The following RBFOX1 variants were observed in gnomAD, a reference collection of about 807,000 sequenced individuals.
RBFOX1 encodes RNA binding protein fox-1 homolog 1.
In RBFOX1, 8 loss-of-function variants were observed where a neutral mutation model predicts 57.7. The ratio of observed to expected loss-of-function variants is 0.14; its 90% CI spans 0.08 to 0.25. RBFOX1 has a LOEUF of 0.25. Ranked by LOEUF, RBFOX1 falls within the 10% of genes least tolerant of loss-of-function variation. The probability of loss-of-function intolerance (pLI) is 1.00; values close to 1 mark genes in which losing one functional copy is unlikely to be tolerated. For synonymous variants in RBFOX1, 326 were observed against 222.4 expected, an observed-to-expected ratio of 1.47 and a Z score of -4.15; for missense variants, 611 against 548.5, an observed-to-expected ratio of 1.11 and a Z score of -1.14.
intron 3 of RBFOX1, among the ~76,000 whole-genome samples, chr16:7,008,484 G>A (rs1474947198): frequency 4.6e-5 from 7 of 151,940 alleles, no homozygotes; most frequent in African/African-American, 1.7e-4. Flanking sequence ...AGGTTGCAGT[G>A]ATCTGAGATC....
At chr16:6,600,402 A>G (rs2097838646) in intron 2 of RBFOX1, among the ~76,000 whole-genome samples, 2 of 152,060 alleles carry the variant, frequency 1.3e-5, no homozygotes, top group African/African-American at 4.8e-5. Flanking sequence ...ATGTTTTATT[A>G]TAGCTTTCAA....
At chr16:7,139,746 A>G (rs2073137551) in intron 4 of RBFOX1, among the ~76,000 whole-genome samples, 1 of 152,130 alleles carries the variant, frequency 6.6e-6, no homozygotes, top group Non-Finnish European at 1.5e-5. Context: ...ACTGAGAAAT[A>G]CATTGATTGG....
chr16:6,872,633 C>T (rs2061138686), intron 3 of RBFOX1, among the ~76,000 whole-genome samples: 1 of 152,156 alleles, frequency 6.6e-6, no homozygotes, highest in Non-Finnish European at 1.5e-5. Flanking sequence ...AATATTCCTG[C>T]AGTGGCAACG....
At chr16:6,453,287 G>C (rs948690687) in intron 2 of RBFOX1, among the ~76,000 whole-genome samples, 4 of 151,922 alleles carry the variant, frequency 2.6e-5, no homozygotes, top group Admixed American at 6.6e-5. Flanking sequence ...GACAGGCCCC[G>C]GTGTGTGATG....
chr16:6,023,456 T>G (rs904265824), intron 1 of RBFOX1, among the ~76,000 whole-genome samples: 1 of 152,216 alleles, frequency 6.6e-6, no homozygotes, highest in African/African-American at 2.4e-5. Flanking sequence ...GAAAATTGGG[T>G]CTGCCCTGTA....
chr16:7,248,118 A>G (rs56318293), intron 4 of RBFOX1, among the ~76,000 whole-genome samples: 25,805 of 152,224 alleles, frequency 0.17, 2,235 homozygotes, highest in East Asian at 0.27. Flanking sequence ...ACTGTGAATG[A>G]AGGCAAAGAC....
intron 4 of RBFOX1, among the ~76,000 whole-genome samples, chr16:5,905,256 C>T (rs989988840): frequency 2.0e-5 from 3 of 151,396 alleles, no homozygotes; most frequent in Admixed American, 6.6e-5. Context: ...TTAGTAGAGA[C>T]GGCCCAGGCT....
intron 3 of RBFOX1, among the ~76,000 whole-genome samples, chr16:6,856,692 T>C: frequency 6.6e-6 from 1 of 152,086 alleles, no homozygotes; most frequent in East Asian, 1.9e-4. Context: ...ACAAATTCCA[T>C]TTAATAAGTA....
Position 6,998,469 on chromosome 16 carries a change from A to T in RBFOX1, c.-15-53588A>T, listed in dbSNP as rs562849319. On this transcript the variant is annotated intron_variant, in intron 3 of 15. Transcript: ENST00000550418. ...GGGCAGTTGTGTTAGACAAGGTTTTAGGGAAAAGATGATGTCAGAGCTCTT... is the reference window on the plus strand; with the variant it reads ...GGGCAGTTGTGTTAGACAAGGTTTTTGGGAAAAGATGATGTCAGAGCTCTT... 3.3e-4 allele frequency among the ~76,000 whole-genome samples: 51 copies of T among 152,316 alleles called. No homozygotes were observed. The East Asian group carries it at 9.8e-3, about 29-fold the overall frequency.
chr16:7,065,373 C>G (rs1476198631), intron 4 of RBFOX1, among the ~76,000 whole-genome samples: 1 of 152,114 alleles, frequency 6.6e-6, no homozygotes, highest in African/African-American at 2.4e-5. Context: ...ATACACTCCA[C>G]CTGCCCACTC....
intron 3 of RBFOX1, among the ~76,000 whole-genome samples, chr16:5,866,181 C>G (rs1337251504): frequency 6.6e-6 from 1 of 152,148 alleles, no homozygotes; most frequent in Non-Finnish European, 1.5e-5. Context: ...GTTGGCCAAG[C>G]TGGTCTCGAA....
chr16:6,424,050 C>T (rs926639312), intron 2 of RBFOX1, among the ~76,000 whole-genome samples: 3 of 152,060 alleles, frequency 2.0e-5, no homozygotes, highest in Non-Finnish European at 2.9e-5. Context: ...CCAGCCTGGC[C>T]AACATGGTGA....
intron 3 of RBFOX1, among the ~76,000 whole-genome samples, chr16:6,715,932 C>G (rs113026780): frequency 3.3e-5 from 5 of 152,274 alleles, no homozygotes; most frequent in African/African-American, 1.2e-4. Flanking sequence ...TTCTCTCTTC[C>G]TAGTATGATG....
At chr16:5,675,248 A>C (rs1205141203) in intron 3 of RBFOX1, among the ~76,000 whole-genome samples, 1 of 152,200 alleles carries the variant, frequency 6.6e-6, no homozygotes, top group Non-Finnish European at 1.5e-5. Context: ...ACCCACCCAC[A>C]CACACATAGA....
At chr16:5,303,109 C>T (rs1377059684) in intron 1 of RBFOX1, among the ~76,000 whole-genome samples, 1 of 152,156 alleles carries the variant, frequency 6.6e-6, no homozygotes, top group Non-Finnish European at 1.5e-5. Context: ...AAACTTCAAG[C>T]TAGAAAATGA....
At chr16:6,494,314 G>A (rs540992055) in intron 2 of RBFOX1, among the ~76,000 whole-genome samples, 1 of 152,288 alleles carries the variant, frequency 6.6e-6, no homozygotes, top group African/African-American at 2.4e-5. Flanking sequence ...CCACAGGTAA[G>A]GTACTGAGCA....
At chr16:7,031,694 A>G (rs1185188555) in intron 3 of RBFOX1, among the ~76,000 whole-genome samples, 2 of 152,208 alleles carry the variant, frequency 1.3e-5, no homozygotes, top group Non-Finnish European at 2.9e-5. Flanking sequence ...ATAATCCAGT[A>G]CTTTATAAAT....
chr16:5,346,440 G>A (rs535066582), intron 1 of RBFOX1, among the ~76,000 whole-genome samples: 4 of 152,196 alleles, frequency 2.6e-5, no homozygotes, highest in East Asian at 3.8e-4. Flanking sequence ...TTTGAACCAC[G>A]TCTCAAGGGA....
At chr16:6,949,960 T>A (rs2080361994) in intron 3 of RBFOX1, among the ~76,000 whole-genome samples, 1 of 151,680 alleles carries the variant, frequency 6.6e-6, no homozygotes, top group South Asian at 2.1e-4. Flanking sequence ...TTGTTGTTGT[T>A]TTTTGGTACA....
Sources: allele counts gnomAD v4.1 joint callset (sites outside exome capture counted in the v4.1 genomes callset), GRCh38; gene constraint gnomAD v4.1.1; transcripts MANE v1.5; gene names NCBI Gene and HGNC (gene_info 2026-07-23, HGNC 2026-07-21).